TEK: variants seen among roughly 807,000 people sequenced by gnomAD.
TEK encodes the protein angiopoietin-1 receptor.
TEK carries 43 observed loss-of-function variants against 131.8 expected under a neutral mutation model. That is an observed-to-expected ratio of 0.33 (90% confidence interval 0.26 to 0.42). The LOEUF (loss-of-function observed/expected upper bound fraction) is 0.42. Ranked by LOEUF, TEK falls within the 10% of genes least tolerant of loss-of-function variation. TEK has a pLI of 1.00. For synonymous variants in TEK, 580 were observed against 491.6 expected, an observed-to-expected ratio of 1.18 and a Z score of -2.38; for missense variants, 1,162 against 1,384.4, an observed-to-expected ratio of 0.84 and a Z score of 2.55.
chr9:27,197,201 C>A, intron 11 of TEK, 114 bp from the exon 12 acceptor site: 3 of 1,164,188 alleles, frequency 2.6e-6, no homozygotes, highest in East Asian at 2.5e-5. Context: ...CACCTCCCAC[C>A]AGGCCCCACC....
chr9:27,228,198 T>G lies in TEK; in HGVS notation c.3201-8T>G. The G allele has an allele frequency of 6.2e-7, 1 of 1,610,598 alleles. No homozygotes were observed. The highest frequency in any genetic ancestry group is 8.5e-7 in the Non-Finnish European group (1 of 1,177,176). On this transcript the variant is annotated splice_region_variant and splice_polypyrimidine_tract_variant and intron_variant, in intron 21 of 22. Transcript: ENST00000380036. ...TAGAATTAACCCTTTAATTCTTTGC[T>G]TTCGAAGGTATGATCTAATGAGACA...
At chr9:27,211,130 T>A (rs528264585) in intron 16 of TEK, among the ~76,000 whole-genome samples, 14,749 of 135,170 alleles carry the variant, frequency 0.11, 766 homozygotes, top group African/African-American at 0.13. Context: ...TAAAAAAAAA[T>A]ATATATATAT....
intron 2 of TEK, among the ~76,000 whole-genome samples, chr9:27,166,422 G>T (rs1177724997): frequency 1.3e-5 from 2 of 152,092 alleles, no homozygotes; most frequent in African/African-American, 4.8e-5. Flanking sequence ...GGATTTGTCA[G>T]TTTCTTTAAT....
intron 1 of TEK, among the ~76,000 whole-genome samples, chr9:27,122,067 A>AGGCCCAGCTAACGAGCAGGCAAT (rs1172216295): frequency 1.3e-5 from 2 of 152,204 alleles, no homozygotes; most frequent in Non-Finnish European, 2.9e-5. Context: ...TCCTCACAAA[A>AGGCCCAGCTAACGAGCAGGCAAT]GGCCCAGCTA....
At chr9:27,127,220 C>A (rs972139264) in intron 1 of TEK, among the ~76,000 whole-genome samples, 1 of 152,178 alleles carries the variant, frequency 6.6e-6, no homozygotes, top group African/African-American at 2.4e-5. Flanking sequence ...TGAGTGAGAA[C>A]ATGCAGTGTT....
intron 12 of TEK, among the ~76,000 whole-genome samples, chr9:27,199,331 A>G (rs1170464467): frequency 5.3e-5 from 8 of 152,194 alleles, no homozygotes; most frequent in African/African-American, 1.4e-4. Context: ...ACAAAATGCA[A>G]TGCCCATTCT....
intron 18 of TEK, among the ~76,000 whole-genome samples, chr9:27,216,088 G>A (rs944233957): frequency 1.2e-4 from 18 of 152,164 alleles, no homozygotes; most frequent in African/African-American, 4.3e-4. Context: ...AAACTTCAGG[G>A]TTGGAAGAGG....
At chr9:27,132,802 T>G (rs7872302) in intron 1 of TEK, among the ~76,000 whole-genome samples, 3,175 of 152,208 alleles carry the variant, frequency 0.021, 106 homozygotes, top group African/African-American at 0.073. Context: ...AGTTAACAAA[T>G]GTGCTTCTTT....
intron 2 of TEK, among the ~76,000 whole-genome samples, chr9:27,162,192 G>A (rs1390077829): frequency 2.0e-5 from 3 of 152,118 alleles, no homozygotes; most frequent in Non-Finnish European, 2.9e-5. Context: ...CTATTAATTC[G>A]TTATTAAAAC....
intron 10 of TEK, among the ~76,000 whole-genome samples, chr9:27,192,150 A>G (rs1824845880): frequency 6.6e-6 from 1 of 152,184 alleles, no homozygotes; most frequent in Admixed American, 6.5e-5. Context: ...AACAGTAGCA[A>G]TTAAATTATT....
At chr9:27,174,732 A>G (rs1317229061) in intron 6 of TEK, among the ~76,000 whole-genome samples, 1 of 152,156 alleles carries the variant, frequency 6.6e-6, no homozygotes, top group Non-Finnish European at 1.5e-5. Flanking sequence ...CCCCCGGAAC[A>G]TGCAGTGAGC....
At chr9:27,183,989 T>C (rs956350789) in intron 8 of TEK, among the ~76,000 whole-genome samples, 9 of 152,158 alleles carry the variant, frequency 5.9e-5, no homozygotes, top group Non-Finnish European at 1.0e-4. Flanking sequence ...TAAGGTGGTG[T>C]TGCAACCCAT....
intron 1 of TEK, among the ~76,000 whole-genome samples, chr9:27,127,940 G>C (rs139845325): frequency 0.014 from 2,061 of 152,296 alleles, 43 homozygotes; most frequent in African/African-American, 0.047. Flanking sequence ...TGTCCACTCT[G>C]ATGGTAGTTT....
At chr9:27,226,578 G>C (rs1826336979) in intron 21 of TEK, among the ~76,000 whole-genome samples, 1 of 151,892 alleles carries the variant, frequency 6.6e-6, no homozygotes, top group Admixed American at 6.6e-5. Context: ...CCTATCGGGG[G>C]GTGGGGGCTA....
rs982293391 is a variant in TEK at position 27,212,609 on chromosome 9, A to G, written c.2687-98A>G. 3 of 1,351,750 alleles carry G rather than the reference A, an allele frequency of 2.2e-6. No individual in the cohort carries two copies. In the African/African-American group the frequency reaches 4.3e-5, roughly 20 times the overall value. The allele number at this position is 1,351,750 out of a possible 1,614,324, so 83.7% of individuals were successfully genotyped here. ...TGGTGTTGCTAGATGTGTTTTTTAG[A>G]CAAAATGGAGTTTATAGGCAATTTC... On this transcript the variant is annotated intron_variant, in intron 16 of 22. Transcript: ENST00000380036.
chr9:27,228,424 A>G, intron 22 of TEK, 119 bp downstream of exon 22: 1 of 806,524 alleles, frequency 1.2e-6, no homozygotes, highest in Non-Finnish European at 2.1e-6. Flanking sequence ...TAAGTATTAT[A>G]GAAACAAAGG....
intron 13 of TEK, among the ~76,000 whole-genome samples, chr9:27,203,448 G>C (rs931858872): frequency 6.6e-6 from 1 of 152,148 alleles, no homozygotes; most frequent in African/African-American, 2.4e-5. Context: ...AAGAGCTCCA[G>C]TAGGAGGCTC....
intron 12 of TEK, among the ~76,000 whole-genome samples, chr9:27,200,268 A>G (rs671353): frequency 0.48 from 72,251 of 152,018 alleles, 17,705 homozygotes; most frequent in Non-Finnish European, 0.51. Flanking sequence ...GTCAGTAACT[A>G]TGGGATGAAT....
Position 27,197,612 on chromosome 9 carries a change from T to C in TEK, c.1909+13T>C, listed in dbSNP as rs768931654. The C allele has an allele frequency of 1.2e-5, 19 of 1,613,620 alleles. No individual in the cohort carries two copies. The highest frequency in any genetic ancestry group is 1.6e-5 in the Non-Finnish European group (19 of 1,179,916). Reference sequence around the variant, plus strand: ...ACCCTTAGTGACAGTAAGTAATTCATGCTGCTCCAGCCTCATCTGAGCAAT... The same window carrying C: ...ACCCTTAGTGACAGTAAGTAATTCACGCTGCTCCAGCCTCATCTGAGCAAT... On this transcript the variant is annotated intron_variant, in intron 12 of 22. Coordinates refer to ENST00000380036, the MANE Select transcript of TEK (RefSeq NM_000459.5).
Sources: gnomAD v4.1 joint callset for allele counts (sites outside exome capture counted in the v4.1 genomes callset) on GRCh38, gnomAD v4.1.1 for gene constraint, MANE v1.5 for transcripts, NCBI Gene and HGNC (gene_info 2026-07-23, HGNC 2026-07-21) for gene names.